Variants in DNAH6 observed in about 807,000 individuals in gnomAD.
The protein encoded by DNAH6 is axonemal beta dynein heavy chain 6.
DNAH6 carries 340 observed loss-of-function variants against 491.4 expected under a neutral mutation model. The observed-to-expected ratio is 0.69, with a 90% CI of 0.63 to 0.76. The LOEUF is 0.76. Among genes scored for constraint, DNAH6 ranks in the 30% least tolerant of loss-of-function variants. The pLI is 0.00. For synonymous variants in DNAH6, 1,603 were observed against 1,686.1 expected (o/e 0.95, Z 1.21); for missense variants, 4,443 against 4,972.2 (o/e 0.89, Z 3.20).
chr2:84,550,652 A>C (rs1305576658), intron 9 of DNAH6, among the ~76,000 whole-genome samples: 1 of 152,138 alleles, frequency 6.6e-6, no homozygotes, highest in Non-Finnish European at 1.5e-5. Flanking sequence ...TCATGTGTTC[A>C]TTGACATATT....
intron 16 of DNAH6, among the ~76,000 whole-genome samples, chr2:84,590,150 C>CAGGAAGGTATGTAGTAAGG (rs1414103392): frequency 6.6e-6 from 1 of 151,992 alleles, no homozygotes; most frequent in East Asian, 1.9e-4. Flanking sequence ...ACCTACAAGA[C>CAGGAAGGTATGTAGTAAGG]AGGAAGGTAT....
chr2:84,699,304 T>G (rs1695667459), intron 47 of DNAH6, among the ~76,000 whole-genome samples: 1 of 152,164 alleles, frequency 6.6e-6, no homozygotes, highest in African/African-American at 2.4e-5. Flanking sequence ...CAGCAAAACC[T>G]TGTATGAATG....
chr2:84,483,525 C>T, the DNAH6 span, among the ~76,000 whole-genome samples: 1 of 152,028 alleles, frequency 6.6e-6, no homozygotes, highest in African/African-American at 2.4e-5. Flanking sequence ...TAGAAATTTG[C>T]ACAGTCATGG....
intron 55 of DNAH6, among the ~76,000 whole-genome samples, 174 bp from the exon 56 acceptor site, chr2:84,710,113 A>G (rs992897987): frequency 6.6e-6 from 1 of 152,246 alleles, no homozygotes; most frequent in African/African-American, 2.4e-5. Flanking sequence ...GAAGAGTCCC[A>G]AACATTGGGC....
chr2:84,609,160 A>G (rs1686064319), intron 21 of DNAH6, among the ~76,000 whole-genome samples: 1 of 152,114 alleles, frequency 6.6e-6, no homozygotes, highest in Non-Finnish European at 1.5e-5. Context: ...GGTTGGTTTG[A>G]TCTTCTATTC....
chr2:84,499,490 G>C, the DNAH6 span, among the ~76,000 whole-genome samples: 1 of 152,156 alleles, frequency 6.6e-6, no homozygotes, highest in Non-Finnish European at 1.5e-5. Flanking sequence ...TGTAAACAGT[G>C]CTGGAACAAA....
At chr2:84,633,659 T>A (rs1443021685) in intron 29 of DNAH6, among the ~76,000 whole-genome samples, 1 of 152,084 alleles carries the variant, frequency 6.6e-6, no homozygotes, top group Non-Finnish European at 1.5e-5. Context: ...CCCTTCTCAG[T>A]TGAACAGTCT....
intron 71 of DNAH6, among the ~76,000 whole-genome samples, chr2:84,807,642 C>T (rs867876342): frequency 1.3e-5 from 2 of 152,094 alleles, no homozygotes; most frequent in Admixed American, 6.6e-5. Flanking sequence ...GTCCCTGGGC[C>T]GTCTAGTCTC....
chr2:84,677,063 C>G lies in DNAH6; in HGVS notation c.6671C>G (p.Pro2224Arg). Residue 2224 changes from proline to arginine, a missense_variant, in exon 41 of 77, where the codon CCC becomes CGC. By Grantham distance (103) the Pro-to-Arg change is moderately radical (BLOSUM62 -2). Transcript: ENST00000389394. The stretch of plus-strand genomic sequence containing the variant: ...GGCGGTGGCCGCAACCCTGTGACTC[C>G]CCGCTTCATCAGACACTTCAGCATG... ...PPGGGRNPVT[P>R]RFIRHFSMLC... The G allele has an allele frequency of 6.4e-7, 1 of 1,551,734 alleles. No homozygotes were observed. The highest frequency in any genetic ancestry group is 8.7e-7 in the Non-Finnish European group (1 of 1,146,978).
chr2:84,785,535 C>A (rs962930695), intron 66 of DNAH6, 75 bp from the exon 67 acceptor site: 4 of 1,361,470 alleles, frequency 2.9e-6, no homozygotes, highest in Non-Finnish European at 1.9e-6. Context: ...TGGCTTCAGT[C>A]TATGTGTGTT....
At chr2:84,488,207 C>T in the DNAH6 span, among the ~76,000 whole-genome samples, 2 of 152,070 alleles carry the variant, frequency 1.3e-5, no homozygotes, top group African/African-American at 4.8e-5. Flanking sequence ...GTGGGAGTAA[C>T]AAATTACCAC....
the DNAH6 span, among the ~76,000 whole-genome samples, chr2:84,483,036 C>A: frequency 6.6e-6 from 1 of 151,682 alleles, no homozygotes; most frequent in Non-Finnish European, 1.5e-5. Context: ...TCATAGCTCA[C>A]TGCAGCCTCC....
At chr2:84,758,551 G>A (rs1028816616) in intron 63 of DNAH6, among the ~76,000 whole-genome samples, 3 of 151,992 alleles carry the variant, frequency 2.0e-5, no homozygotes, top group African/African-American at 7.2e-5. Context: ...TAATTCAATG[G>A]TACATCAAAA....
chr2:84,556,742 G>C (rs1680063589), intron 10 of DNAH6, among the ~76,000 whole-genome samples: 1 of 152,072 alleles, frequency 6.6e-6, no homozygotes, highest in Admixed American at 6.5e-5. Context: ...CTTACCATGA[G>C]GTTATGTACA....
In DNAH6 at chr2:84,701,278, A is replaced by G. The variant is rs1048168769; in HGVS notation, c.8000A>G (p.Tyr2667Cys). The change falls in exon 49 of 77, where the codon TAC (tyrosine) becomes TGC (cysteine). Residue 2667 changes from tyrosine to cysteine, a missense_variant. Physicochemically the swap from Tyr to Cys is radical, Grantham distance 194 (BLOSUM62 -2). Around this residue, in one of 3 missense-constraint regions of DNAH6, gnomAD observed 2,977 missense variants for 3,296.6 expected, o/e 0.90. Coordinates refer to ENST00000389394, the MANE Select transcript of DNAH6 (RefSeq NM_001370.2). The stretch of plus-strand genomic sequence containing the variant: ...CGGTACTACACGACACCCACCTCCT[A>G]CCTGGAGCTTATCAATCTTTACCTG... ...RRRYYTTPTS[Y>C]LELINLYLSM... The G allele has an allele frequency of 1.8e-5, 28 of 1,551,754 alleles. 1 individual carries two copies. Among genetic ancestry groups the G allele is most frequent in the Admixed American group, 3.9e-5 (2 of 50,982 alleles).
At chr2:84,798,009 T>A (rs1490973375) in intron 70 of DNAH6, among the ~76,000 whole-genome samples, 1 of 152,240 alleles carries the variant, frequency 6.6e-6, no homozygotes, top group Non-Finnish European at 1.5e-5. Context: ...GCTGGGCACA[T>A]TTGTGTCATA....
At chr2:84,686,433 T>G (rs1355506838) in intron 43 of DNAH6, 51 bp from the exon 44 acceptor site, 1 of 1,035,204 alleles carries the variant, frequency 9.7e-7, no homozygotes, top group Non-Finnish European at 1.5e-6. Flanking sequence ...ACTAAAATAT[T>G]CCATTCAAGA....
At chr2:84,621,040 A>G in intron 24 of DNAH6, 151 bp from the exon 25 acceptor site, 1 of 733,882 alleles carries the variant, frequency 1.4e-6, no homozygotes, top group Non-Finnish European at 2.2e-6. Context: ...GAAAGGAGAT[A>G]GATGCATAGT....
intron 2 of DNAH6, among the ~76,000 whole-genome samples, chr2:84,524,880 C>A (rs923399475): frequency 6.6e-6 from 1 of 152,036 alleles, no homozygotes; most frequent in Non-Finnish European, 1.5e-5. Flanking sequence ...CAACAGCTAG[C>A]CTTTTCCTTT....
Sources: allele counts gnomAD v4.1 joint callset (sites outside exome capture counted in the v4.1 genomes callset), GRCh38; gene constraint gnomAD v4.1.1; regional missense constraint gnomAD v4.1.1; transcripts MANE v1.5; gene names NCBI Gene and HGNC (gene_info 2026-07-23, HGNC 2026-07-21).